CNOT4: variants seen among roughly 807,000 people sequenced by gnomAD.
CNOT4 encodes the protein CCR4-associated factor 4.
A neutral mutation model predicts 73.8 loss-of-function variants in CNOT4; 8 were observed. That is an observed-to-expected ratio of 0.11 (90% CI 0.06 to 0.20). The LOEUF (loss-of-function observed/expected upper bound fraction) is 0.20. Among genes scored for constraint, CNOT4 ranks in the 10% least tolerant of loss-of-function variants. The pLI is 1.00. For missense variants in CNOT4, 564 were observed against 883.4 expected (o/e 0.64, Z 4.58); for synonymous variants, 293 against 321.1 (o/e 0.91, Z 0.94).
chr7:135,444,642 C>T, intron 1 of CNOT4: 1 of 1,154,520 alleles, frequency 8.7e-7, no homozygotes, highest in Non-Finnish European at 1.3e-6. Context: ...GGCTGCATCT[C>T]TCCACTGGAC....
chr7:135,437,339 G>A (rs575327245), intron 2 of CNOT4, among the ~76,000 whole-genome samples: 6 of 152,172 alleles, frequency 3.9e-5, no homozygotes, highest in South Asian at 2.1e-4. Flanking sequence ...ATAGGTGCTC[G>A]CCACCACGCC....
At chr7:135,366,407 TA>T (rs35226992) in intron 10 of CNOT4, among the ~76,000 whole-genome samples, 77,980 of 151,950 alleles carry the variant, frequency 0.51, 20,546 homozygotes, top group East Asian at 0.76. Flanking sequence ...AAAACTACTC[TA>T]AAAAAAAGTT....
chr7:135,467,953 C>T (rs1160653886), intron 1 of CNOT4, among the ~76,000 whole-genome samples: 6 of 151,916 alleles, frequency 3.9e-5, no homozygotes, highest in South Asian at 2.1e-4. Flanking sequence ...TGGTGGCTCA[C>T]GCCTGTAATC....
chr7:135,416,048 G>C (rs1013290196), intron 3 of CNOT4, among the ~76,000 whole-genome samples: 2 of 151,910 alleles, frequency 1.3e-5, no homozygotes, highest in Non-Finnish European at 2.9e-5. Flanking sequence ...TATGTAACTT[G>C]ATAAAAAGAC....
intron 7 of CNOT4, among the ~76,000 whole-genome samples, chr7:135,399,849 C>T (rs10227931): frequency 0.076 from 11,511 of 151,970 alleles, 496 homozygotes; most frequent in Middle Eastern, 0.13. Flanking sequence ...ATGGGTAATG[C>T]AAACAGTTTA....
At chr7:135,441,297 T>A (rs1799466373) in intron 1 of CNOT4, among the ~76,000 whole-genome samples, 1 of 152,100 alleles carries the variant, frequency 6.6e-6, no homozygotes, top group Admixed American at 6.5e-5. Flanking sequence ...AAAATTGTTT[T>A]CATTTCCTTT....
At chr7:135,392,149 C>T (rs148172991) in intron 10 of CNOT4, among the ~76,000 whole-genome samples, 100 of 152,152 alleles carry the variant, frequency 6.6e-4, no homozygotes, top group African/African-American at 2.3e-3. Flanking sequence ...GGGATCAATT[C>T]CTACTTATTC....
At chr7:135,398,140 A>C in intron 8 of CNOT4, 29 bp downstream of exon 8, 1 of 1,254,228 alleles carries the variant, frequency 8.0e-7, no homozygotes. Flanking sequence ...ATGGCAAATA[A>C]ATCAAGTGAT....
At chr7:135,375,256 T>G (rs1795455189) in intron 10 of CNOT4, among the ~76,000 whole-genome samples, 1 of 152,146 alleles carries the variant, frequency 6.6e-6, no homozygotes, top group South Asian at 2.1e-4. Context: ...GAGAGAGAAC[T>G]CAAAATCATG....
At chr7:135,482,195 T>C (rs1241672854) in intron 1 of CNOT4, among the ~76,000 whole-genome samples, 4 of 152,210 alleles carry the variant, frequency 2.6e-5, no homozygotes, top group Non-Finnish European at 1.5e-5. Flanking sequence ...ATGTACTCCA[T>C]AAATATATGA....
At chr7:135,476,239 T>C (rs547978388) in intron 1 of CNOT4, among the ~76,000 whole-genome samples, 80 of 152,208 alleles carry the variant, frequency 5.3e-4, no homozygotes, top group African/African-American at 1.8e-3. Flanking sequence ...GAGACAGATA[T>C]ATAACCATGA....
chr7:135,414,475 TA>T, intron 4 of CNOT4, 43 bp from the exon 5 acceptor site: 1 of 847,838 alleles, frequency 1.2e-6, no homozygotes, highest in Middle Eastern at 2.2e-4. Context: ...AGTTAAAAAT[TA>T]AACAATACTA....
chr7:135,422,853 T>C (rs1798266931), intron 2 of CNOT4, among the ~76,000 whole-genome samples: 2 of 152,200 alleles, frequency 1.3e-5, no homozygotes, highest in African/African-American at 4.8e-5. Context: ...AGTATAATAC[T>C]AGCAATCACA....
intron 1 of CNOT4, among the ~76,000 whole-genome samples, chr7:135,456,753 C>T (rs1167670839): frequency 2.0e-5 from 3 of 152,086 alleles, no homozygotes; most frequent in Non-Finnish European, 2.9e-5. Flanking sequence ...GTTGTCTCCA[C>T]CCCATCCCCG....
chr7:135,490,134 C>T (rs1353810220), intron 1 of CNOT4, among the ~76,000 whole-genome samples: 1 of 152,182 alleles, frequency 6.6e-6, no homozygotes, highest in African/African-American at 2.4e-5. Context: ...ATTTTCTTCA[C>T]AATTTCACAT....
chr7:135,363,967 T>C lies in CNOT4; in HGVS notation c.1727A>G (p.Asn576Ser). Residue 576 changes from asparagine to serine, a missense_variant, in exon 11 of 12, where the codon AAT becomes AGT. Asn to Ser is a conservative substitution (Grantham distance 46). This residue lies in a region of CNOT4 where 53 missense variants were observed against 75.4 expected (regional missense o/e 0.70). Transcript: ENST00000541284. The surrounding 1 kb of genome is among the most constrained non-coding windows in gnomAD (Gnocchi z 4.3). Reference protein sequence around the residue: ...NININFGGLPNSSSPSNANHS... With the variant: ...NININFGGLPSSSSPSNANHS... ...GTTGGCGTTGGAGGGGGAAGAAGAA[T>C]TGGGCAGTCCACCAAAGTTGATGTT... The C allele has an allele frequency of 6.3e-7, 1 of 1,598,440 alleles. No homozygotes were observed. The highest frequency in any genetic ancestry group is 8.5e-7 in the Non-Finnish European group (1 of 1,179,740).
chr7:135,464,035 A>AAAAAC (rs1801065676), intron 1 of CNOT4, among the ~76,000 whole-genome samples: 1 of 151,556 alleles, frequency 6.6e-6, no homozygotes, highest in African/African-American at 2.4e-5. Flanking sequence ...AAAAAAAAAA[A>AAAAAC]AAAAACAGAT....
intron 1 of CNOT4, among the ~76,000 whole-genome samples, chr7:135,477,478 C>G (rs1033574010): frequency 6.6e-6 from 1 of 152,144 alleles, no homozygotes; most frequent in African/African-American, 2.4e-5. Context: ...CCTGTGTATT[C>G]TTATAGACAC....
chr7:135,465,449 G>A (rs1295448449), intron 1 of CNOT4, among the ~76,000 whole-genome samples: 1 of 152,230 alleles, frequency 6.6e-6, no homozygotes, highest in Non-Finnish European at 1.5e-5. Context: ...ATGGATGCCT[G>A]AAGTATGTAA....
Sources: gnomAD v4.1 joint callset for allele counts (sites outside exome capture counted in the v4.1 genomes callset) on GRCh38, gnomAD v4.1.1 for gene constraint, gnomAD v4.1.1 regional missense constraint, Gnocchi (gnomAD v3.1) non-coding constraint, MANE v1.5 for transcripts, NCBI Gene and HGNC (gene_info 2026-07-23, HGNC 2026-07-21) for gene names.